DRC9: variants seen among roughly 807,000 people sequenced by gnomAD.
The protein encoded by DRC9 is dynein regulatory complex protein 9.
At chr3:197,958,585 A>G in the DRC9 span, 1 of 152,238 alleles carries the variant, frequency 6.6e-6, no homozygotes, top group Admixed American at 6.5e-5. Flanking sequence ...TGGGTTAGGC[A>G]TATGGAGAAG....
the DRC9 span, among the ~76,000 whole-genome samples, chr3:197,919,886 A>T: frequency 1.2e-4 from 19 of 152,250 alleles, no homozygotes; most frequent in Admixed American, 1.1e-3. Flanking sequence ...AGCCACAGGA[A>T]AAAAATAGTT....
chr3:197,921,878 G>T, the DRC9 span, among the ~76,000 whole-genome samples: 1 of 141,682 alleles, frequency 7.1e-6, no homozygotes, highest in Non-Finnish European at 1.5e-5. Context: ...TAACTCTGGG[G>T]ATTTCACCTG....
chr3:197,952,262 C>T, the DRC9 span, among the ~76,000 whole-genome samples: 6 of 149,010 alleles, frequency 4.0e-5, no homozygotes, highest in African/African-American at 1.5e-4. Context: ...CTCCGCCTCC[C>T]GGGTTCAAGG....
the DRC9 span, chr3:197,957,264 G>T: frequency 6.6e-6 from 1 of 152,326 alleles, no homozygotes; most frequent in Middle Eastern, 3.4e-3. Flanking sequence ...AAAGAGGGTA[G>T]TGAGATATAC....
the DRC9 span, chr3:197,892,484 T>G: frequency 1.0e-6 from 1 of 979,760 alleles, no homozygotes; most frequent in Non-Finnish European, 1.5e-6. Context: ...TACTGTGGCC[T>G]ATTTGCCACT....
the DRC9 span, among the ~76,000 whole-genome samples, chr3:197,918,875 C>G: frequency 3.3e-5 from 5 of 152,240 alleles, no homozygotes; most frequent in African/African-American, 4.8e-5. Context: ...GTGATGCAAT[C>G]TTGGCTCATT....
At chr3:197,914,147 C>T in the DRC9 span, 6 of 954,972 alleles carry the variant, frequency 6.3e-6, no homozygotes, top group Non-Finnish European at 1.0e-5. Context: ...CAATAAGGAA[C>T]TGGAACTATT....
the DRC9 span, among the ~76,000 whole-genome samples, chr3:197,898,915 A>C: frequency 6.6e-6 from 1 of 152,218 alleles, no homozygotes; most frequent in African/African-American, 2.4e-5. Context: ...AGTTTCAGTA[A>C]GAAAAAAGGA....
At chr3:197,952,194 C>G in the DRC9 span, among the ~76,000 whole-genome samples, 8 of 94,190 alleles carry the variant, frequency 8.5e-5, no homozygotes, top group African/African-American at 3.0e-4. Context: ...TTTTTGGAGA[C>G]GGAGTCTCAC....
At chr3:197,953,380 A>C in the DRC9 span, 2 of 454,298 alleles carry the variant, frequency 4.4e-6, no homozygotes, top group South Asian at 1.6e-5. Flanking sequence ...TGGTCTTTAA[A>C]GGAAATATAT....
the DRC9 span, among the ~76,000 whole-genome samples, chr3:197,911,393 G>A: frequency 6.6e-6 from 1 of 152,080 alleles, no homozygotes; most frequent in Non-Finnish European, 1.5e-5. Context: ...TAGTTGCCAT[G>A]AAGAAAAACA....
At chr3:197,894,070 A>G in the DRC9 span, among the ~76,000 whole-genome samples, 9 of 152,266 alleles carry the variant, frequency 5.9e-5, no homozygotes, top group African/African-American at 2.2e-4. Context: ...GTTTTTAATC[A>G]TAAATCATAA....
chr3:197,952,302 T>G, the DRC9 span, among the ~76,000 whole-genome samples: 4 of 150,090 alleles, frequency 2.7e-5, no homozygotes, highest in East Asian at 8.0e-4. Context: ...CCTGAGTAGC[T>G]GGGATTACAG....
At chr3:197,954,532 C>A in the DRC9 span, 3 of 331,976 alleles carry the variant, frequency 9.0e-6, no homozygotes, top group South Asian at 7.4e-5. Flanking sequence ...TTTTTTGAGA[C>A]AAGGTCTCAC....
the DRC9 span, among the ~76,000 whole-genome samples, chr3:197,931,356 C>T: frequency 6.6e-6 from 1 of 151,818 alleles, no homozygotes; most frequent in African/African-American, 2.4e-5. Flanking sequence ...GTGGCAGGCG[C>T]CTGTAATCCC....
chr3:197,936,072 G>A, the DRC9 span, among the ~76,000 whole-genome samples: 1 of 151,934 alleles, frequency 6.6e-6, no homozygotes, highest in Non-Finnish European at 1.5e-5. Context: ...GCTGAAGCAG[G>A]AGAATCACTT....
chr3:197,937,628 C>T, the DRC9 span, among the ~76,000 whole-genome samples: 5 of 152,000 alleles, frequency 3.3e-5, no homozygotes, highest in African/African-American at 7.3e-5. Context: ...TACAGGTGTC[C>T]ACCACCACGC....
chr3:197,897,436 C>A, the DRC9 span, among the ~76,000 whole-genome samples: 3 of 152,096 alleles, frequency 2.0e-5, no homozygotes, highest in Non-Finnish European at 2.9e-5. Flanking sequence ...ATATTTGCCT[C>A]AGGCCCAAGA....
chr3:197,952,779 C>T, the DRC9 span, among the ~76,000 whole-genome samples: 2 of 152,094 alleles, frequency 1.3e-5, no homozygotes, highest in Admixed American at 1.3e-4. Context: ...TAGCGCAAGT[C>T]ACTGCACCAG....
Sources: allele counts gnomAD v4.1 joint callset (sites outside exome capture counted in the v4.1 genomes callset), GRCh38; gene constraint gnomAD v4.1.1; transcripts MANE v1.5; gene names NCBI Gene and HGNC (gene_info 2026-07-23, HGNC 2026-07-21).